The following STK3 variants were observed in gnomAD, a reference collection of about 807,000 sequenced individuals.
STK3 encodes serine/threonine kinase 3.
A neutral mutation model predicts 58.0 loss-of-function variants in STK3; 41 were observed. That is an observed-to-expected ratio of 0.71 (90% CI 0.55 to 0.92). The LOEUF (loss-of-function observed/expected upper bound fraction) is 0.92, where lower values mean the gene tolerates loss of function less well. Among genes scored for constraint, STK3 ranks in the 40% least tolerant of loss-of-function variants. The pLI is 0.00. For missense variants in STK3, 479 were observed against 602.7 expected (o/e 0.79, Z 2.15); for synonymous variants, 170 against 191.0 (o/e 0.89, Z 0.91).
At chr8:98,589,814 A>T (rs1815105197) in intron 7 of STK3, among the ~76,000 whole-genome samples, 2 of 152,170 alleles carry the variant, frequency 1.3e-5, no homozygotes, top group Admixed American at 6.5e-5. Flanking sequence ...ACCATTTTTT[A>T]AGCCCGTCGG....
intron 7 of STK3, 140 bp downstream of exon 7, chr8:98,595,892 A>G: frequency 1.1e-6 from 1 of 951,332 alleles, no homozygotes; most frequent in Non-Finnish European, 1.5e-6. Flanking sequence ...GGGAGGAAAG[A>G]AAAGAAGGGA....
downstream of STK3, chr8:98,881,487 C>T (rs964929183): frequency 3.9e-5 from 6 of 152,228 alleles, no homozygotes; most frequent in Non-Finnish European, 8.8e-5. Flanking sequence ...ATAGAATGTA[C>T]CACACAAAGA....
chr8:98,625,215 T>C (rs1256501733), intron 6 of STK3, among the ~76,000 whole-genome samples: 1 of 152,216 alleles, frequency 6.6e-6, no homozygotes, highest in Non-Finnish European at 1.5e-5. Context: ...GCCTTACTGC[T>C]ATTTGAGGAT....
intron 1 of STK3, among the ~76,000 whole-genome samples, chr8:98,924,215 T>C (rs1839697756): frequency 6.6e-6 from 1 of 152,218 alleles, no homozygotes; most frequent in African/African-American, 2.4e-5. Context: ...GCAGTTTAGA[T>C]AGCAGGGAGA....
chr8:98,620,080 T>C (rs1451257288), intron 6 of STK3, among the ~76,000 whole-genome samples: 1 of 75,884 alleles, frequency 1.3e-5, no homozygotes, highest in Non-Finnish European at 2.6e-5. Context: ...TGTCCAACAA[T>C]GATAGACTGG....
intron 2 of STK3, among the ~76,000 whole-genome samples, chr8:98,374,400 A>G (rs1817650809): frequency 6.6e-6 from 1 of 152,220 alleles, no homozygotes. Flanking sequence ...CATTAGATAG[A>G]GTGCCCGAGT....
At chr8:98,631,469 C>T (rs1031951399) in intron 6 of STK3, among the ~76,000 whole-genome samples, 8 of 152,156 alleles carry the variant, frequency 5.3e-5, no homozygotes, top group Non-Finnish European at 1.2e-4. Context: ...CTGACTAGAA[C>T]GTTCTTTCCC....
chr8:98,916,320 A>G (rs954769863), intron 1 of STK3, among the ~76,000 whole-genome samples: 1 of 152,184 alleles, frequency 6.6e-6, no homozygotes, highest in African/African-American at 2.4e-5. Flanking sequence ...AGGCTGAGAC[A>G]GGAGAATAGC....
chr8:98,617,639 C>T lies in STK3; in HGVS notation c.685-21470G>A, dbSNP rs182026444. Among the ~76,000 whole-genome samples the T allele has an allele frequency of 3.7e-3, 569 of 151,912 alleles. 1 individual carries two copies. The highest frequency in any genetic ancestry group is 0.013 in the African/African-American group (546 of 41,420). On this transcript the variant is annotated intron_variant, in intron 6 of 10. Coordinates refer to ENST00000419617, the MANE Select transcript of STK3 (RefSeq NM_006281.4). Reference sequence around the variant, plus strand: ...AAAATGATAAAGGGGATATCACCACCGATCCCACAGAAATACAAACTACCA... The same window carrying T: ...AAAATGATAAAGGGGATATCACCACTGATCCCACAGAAATACAAACTACCA...
intron 3 of STK3, among the ~76,000 whole-genome samples, chr8:98,402,839 G>T (rs553985235): frequency 1.1e-4 from 16 of 152,258 alleles, no homozygotes; most frequent in African/African-American, 3.9e-4. Context: ...ATGAGCACAT[G>T]TTCCAAGCAG....
intron 8 of STK3, among the ~76,000 whole-genome samples, chr8:98,559,073 T>TA (rs1811813286): frequency 6.6e-6 from 1 of 152,106 alleles, no homozygotes; most frequent in Admixed American, 6.6e-5. Context: ...ACATTTGACT[T>TA]AAGCATTGCT....
At chr8:98,855,022 A>G (rs1453654184) in intron 3 of STK3, among the ~76,000 whole-genome samples, 1 of 152,228 alleles carries the variant, frequency 6.6e-6, no homozygotes, top group Non-Finnish European at 1.5e-5. Flanking sequence ...ACGCCACTGC[A>G]TTCCAGCCTG....
chr8:98,511,035 T>A (rs1251222410), intron 10 of STK3, among the ~76,000 whole-genome samples: 3 of 152,068 alleles, frequency 2.0e-5, no homozygotes, highest in Non-Finnish European at 4.4e-5. Flanking sequence ...AATTAGAACA[T>A]TAAATATTAA....
At chr8:98,404,265 A>C (rs1239985127) in intron 3 of STK3, among the ~76,000 whole-genome samples, 3 of 152,196 alleles carry the variant, frequency 2.0e-5, no homozygotes, top group South Asian at 4.1e-4. Context: ...GGGCAGGTGC[A>C]GTGGTTCATG....
rs547633134 is a variant in STK3 at position 98,536,923 on chromosome 8, G to A, written c.1142-10006C>T. ...TACAGAGTAGTTTAAATATCACTAC[G>A]TCTCAGATACATTATAGTTTTAAAG... On this transcript the variant is annotated intron_variant, in intron 9 of 10. Transcript: ENST00000419617. Among the ~76,000 whole-genome samples the A allele has an allele frequency of 3.3e-5, 5 of 152,208 alleles. No individual in the cohort carries two copies. In the East Asian group the frequency reaches 7.7e-4, roughly 24 times the overall value.
At chr8:98,723,611 G>A (rs980990718) in intron 4 of STK3, among the ~76,000 whole-genome samples, 6 of 151,950 alleles carry the variant, frequency 3.9e-5, no homozygotes, top group South Asian at 2.1e-4. Flanking sequence ...TAAGTCTTTC[G>A]CAATGTTAGC....
intron 3 of STK3, among the ~76,000 whole-genome samples, chr8:98,408,102 C>T (rs967303780): frequency 1.3e-5 from 2 of 152,210 alleles, no homozygotes; most frequent in Admixed American, 6.5e-5. Flanking sequence ...ACATTTCCTG[C>T]TTGCACAGCT....
intron 1 of STK3, among the ~76,000 whole-genome samples, chr8:98,913,080 G>T (rs977880714): frequency 6.6e-6 from 1 of 151,292 alleles, no homozygotes; most frequent in Non-Finnish European, 1.5e-5. Flanking sequence ...GCCCATTTTG[G>T]CTATTTTTGA....
chr8:98,408,177 A>C (rs1818018201), intron 3 of STK3, among the ~76,000 whole-genome samples: 1 of 152,166 alleles, frequency 6.6e-6, no homozygotes, highest in Non-Finnish European at 1.5e-5. Flanking sequence ...ATTTGGAAAA[A>C]GGGGGTAGTT....
Sources: allele counts gnomAD v4.1 joint callset (sites outside exome capture counted in the v4.1 genomes callset), GRCh38; gene constraint gnomAD v4.1.1; transcripts MANE v1.5; gene names NCBI Gene and HGNC (gene_info 2026-07-23, HGNC 2026-07-21).